The following SIPA1L3 variants were observed in gnomAD, a reference collection of about 807,000 sequenced individuals.
SIPA1L3 encodes signal-induced proliferation-associated 1-like protein 3.
SIPA1L3 carries 59 observed loss-of-function variants against 150.1 expected under a neutral mutation model. The observed-to-expected ratio is 0.39, with a 90% CI of 0.32 to 0.49. The LOEUF is 0.49. Among genes scored for constraint, SIPA1L3 ranks in the 20% least tolerant of loss-of-function variants. The pLI is 0.86. For missense variants in SIPA1L3, 2,211 were observed against 2,489.5 expected, an observed-to-expected ratio of 0.89 and a Z score of 2.38; for synonymous variants, 1,070 against 1,077.6, an observed-to-expected ratio of 0.99 and a Z score of 0.14.
At position 38,141,225 on chromosome 19, in the gene SIPA1L3, A is replaced by G. The variant is rs147322673; in HGVS notation, c.3185A>G (p.Lys1062Arg). 60 of 1,612,750 alleles carry G rather than the reference A, an allele frequency of 3.7e-5. No individual in the cohort carries two copies. Among genetic ancestry groups the G allele is most frequent in the Non-Finnish European group, 4.9e-5 (58 of 1,179,338 alleles). The change falls in exon 11 of 22, where the codon AAG becomes AGG. Residue 1062 changes from lysine to arginine, a missense_variant. Around this residue, in one of 5 missense-constraint regions of SIPA1L3, gnomAD observed 625 missense variants for 804.2 expected, o/e 0.78. Transcript: ENST00000222345. ...ETYDMNTSEPKTEQESITPGG... is the reference protein window; with the variant it reads ...ETYDMNTSEPRTEQESITPGG... ...TACGACATGAATACCTCGGAGCCCA[A>G]GACGGAGCAGGAAAGCATCACTCCT... is the stretch of plus-strand genomic sequence containing the variant.
At chr19:37,935,112 G>A (rs559570687) in intron 1 of SIPA1L3, among the ~76,000 whole-genome samples, 100 of 152,216 alleles carry the variant, frequency 6.6e-4, no homozygotes, top group South Asian at 1.5e-3. Flanking sequence ...GATGCCTCTC[G>A]TCCAGATAGA....
At chr19:38,154,013 A>C (rs1413129248) in intron 13 of SIPA1L3, among the ~76,000 whole-genome samples, 1 of 152,198 alleles carries the variant, frequency 6.6e-6, no homozygotes. Context: ...CAGGCAGGAA[A>C]TATAACATGG....
At chr19:38,021,042 C>A (rs898876074) in intron 1 of SIPA1L3, among the ~76,000 whole-genome samples, 3 of 152,138 alleles carry the variant, frequency 2.0e-5, no homozygotes, top group Non-Finnish European at 4.4e-5. Flanking sequence ...CTCAGGTGAT[C>A]TGCCTGCCTC....
At chr19:37,914,152 C>T (rs916545472) in intron 1 of SIPA1L3, among the ~76,000 whole-genome samples, 1 of 151,884 alleles carries the variant, frequency 6.6e-6, no homozygotes, top group Non-Finnish European at 1.5e-5. Flanking sequence ...GTTACCTTAG[C>T]TTTGATGGTC....
At chr19:38,182,000 A>G (rs1269571159) in intron 15 of SIPA1L3, among the ~76,000 whole-genome samples, 2 of 151,860 alleles carry the variant, frequency 1.3e-5, no homozygotes, top group East Asian at 3.9e-4. Context: ...AAATTAGCTA[A>G]GCATAGTGGT....
chr19:38,113,324 A>C (rs1204273717), intron 8 of SIPA1L3, among the ~76,000 whole-genome samples: 1 of 151,552 alleles, frequency 6.6e-6, no homozygotes, highest in African/African-American at 2.4e-5. Flanking sequence ...AGCACACATG[A>C]CACCATAAAA....
At chr19:38,079,845 C>T (rs1269137776) in intron 2 of SIPA1L3, among the ~76,000 whole-genome samples, 4 of 152,146 alleles carry the variant, frequency 2.6e-5, no homozygotes, top group African/African-American at 9.7e-5. Context: ...TGTGAGCCAC[C>T]GTGCCCAGCC....
intron 18 of SIPA1L3, among the ~76,000 whole-genome samples, chr19:38,195,794 C>A (rs1172091351): frequency 1.3e-4 from 11 of 84,868 alleles, no homozygotes; most frequent in Non-Finnish European, 1.9e-4. Flanking sequence ...CAGGCCCCGT[C>A]CCCCCCCGCC....
At chr19:37,966,459 G>A (rs1313581580) in intron 1 of SIPA1L3, among the ~76,000 whole-genome samples, 1 of 152,204 alleles carries the variant, frequency 6.6e-6, no homozygotes, top group East Asian at 1.9e-4. Flanking sequence ...AGACCAGCAT[G>A]GAGCGGTGGG....
chr19:37,940,667 G>A (rs1017682084), intron 1 of SIPA1L3, among the ~76,000 whole-genome samples: 4 of 152,082 alleles, frequency 2.6e-5, no homozygotes, highest in South Asian at 4.2e-4. Flanking sequence ...TGCAACCTCC[G>A]TCTCCCGAGT....
At position 38,101,135 on chromosome 19, in the gene SIPA1L3, C is replaced by A; in HGVS notation, c.1938C>A (p.Ala646=). ...AGGAGATGTACAACAATGAGGAGGC[C>A]GGCCCCGCCTTTGAGGAGTTCCTCT... ...SEEEMYNNEE[A]GPAFEEFLSL... The change falls in exon 6 of 22, where the codon GCC becomes GCA. Residue 646 remains alanine (A), a synonymous_variant. Coordinates refer to ENST00000222345, the MANE Select transcript of SIPA1L3 (RefSeq NM_015073.3). The A allele has an allele frequency of 6.2e-7, 1 of 1,609,118 alleles. No individual in the cohort carries two copies. The highest frequency in any genetic ancestry group is 1.1e-5 in the South Asian group (1 of 90,204).
intron 20 of SIPA1L3, chr19:38,203,922 C>T (rs150323019): frequency 2.1e-4 from 121 of 571,682 alleles, no homozygotes; most frequent in African/African-American, 1.7e-3. Context: ...CCTAACACCC[C>T]GTCCACATCC....
chr19:37,925,673 A>G (rs1310479493), intron 1 of SIPA1L3, among the ~76,000 whole-genome samples: 1 of 142,884 alleles, frequency 7.0e-6, no homozygotes, highest in Non-Finnish European at 1.5e-5. Context: ...GGCTCGCTGC[A>G]AGCTCCGCCT....
At position 38,082,155 on chromosome 19, in the gene SIPA1L3, C is replaced by T; in HGVS notation, c.590C>T (p.Pro197Leu). 1 of 1,605,638 alleles carries T rather than the reference C, an allele frequency of 6.2e-7. No individual in the cohort carries two copies. ...PRGARHTGAL[P>L]LFREYGSTSS... ...GGGGCCCGGCACACGGGGGCGCTGC[C>T]CCTCTTCCGCGAGTACGGGAGCACC... The change falls in exon 3 of 22, where the codon CCC becomes CTC. Residue 197 changes from proline to leucine, a missense_variant. Physicochemically the swap from Pro to Leu is moderately conservative, Grantham distance 98. Coordinates refer to ENST00000222345, the MANE Select transcript of SIPA1L3 (RefSeq NM_015073.3).
chr19:37,974,088 C>T (rs1163315342), intron 1 of SIPA1L3, among the ~76,000 whole-genome samples: 1 of 152,178 alleles, frequency 6.6e-6, no homozygotes, highest in Non-Finnish European at 1.5e-5. Context: ...GCTGATCTAA[C>T]ATTGGTAACA....
intron 2 of SIPA1L3, among the ~76,000 whole-genome samples, chr19:38,054,120 G>A (rs994536971): frequency 2.0e-5 from 3 of 151,784 alleles, no homozygotes; most frequent in Non-Finnish European, 2.9e-5. Context: ...CGAGGTGGGC[G>A]GATCACCTGA....
At chr19:38,155,602 A>G (rs1046628762) in intron 13 of SIPA1L3, among the ~76,000 whole-genome samples, 2 of 152,174 alleles carry the variant, frequency 1.3e-5, no homozygotes, top group Non-Finnish European at 2.9e-5. Context: ...CAAATGAGCA[A>G]TGTTAGAAAG....
At chr19:38,045,848 G>A (rs549744341) in intron 2 of SIPA1L3, among the ~76,000 whole-genome samples, 4 of 152,230 alleles carry the variant, frequency 2.6e-5, no homozygotes, top group Admixed American at 6.5e-5. Context: ...AGTGCGGGAA[G>A]GAAAACTTGG....
At chr19:38,076,065 G>A (rs1969830782) in intron 2 of SIPA1L3, among the ~76,000 whole-genome samples, 1 of 151,760 alleles carries the variant, frequency 6.6e-6, no homozygotes, top group Non-Finnish European at 1.5e-5. Flanking sequence ...GGCGTAACCT[G>A]GGAGGCGGAG....
Sources: allele counts gnomAD v4.1 joint callset (sites outside exome capture counted in the v4.1 genomes callset), GRCh38; gene constraint gnomAD v4.1.1; regional missense constraint gnomAD v4.1.1; transcripts MANE v1.5; gene names NCBI Gene and HGNC (gene_info 2026-07-23, HGNC 2026-07-21).